The following KIAA1210 variants were observed in gnomAD, a reference collection of about 807,000 sequenced individuals.
KIAA1210 encodes KIAA1210, also known as acrosomal protein KIAA1210.
In KIAA1210, 48 loss-of-function variants were observed where a neutral mutation model predicts 78.9. The ratio of observed to expected loss-of-function variants is 0.61; its 90% CI spans 0.48 to 0.77. KIAA1210 has a LOEUF of 0.77. KIAA1210 is among the 30% of genes least tolerant of loss of function. The probability of loss-of-function intolerance (pLI) is 0.00; values close to 1 mark genes in which losing one functional copy is unlikely to be tolerated. For synonymous variants in KIAA1210, 406 were observed against 404.5 expected, an observed-to-expected ratio of 1.00 and a Z score of -0.04; for missense variants, 1,108 against 1,100.0, an observed-to-expected ratio of 1.01 and a Z score of -0.10.
chrX:119,116,658 T>G lies in KIAA1210; in HGVS notation c.68A>C (p.Lys23Thr). The G allele has an allele frequency of 7.5e-6, 9 of 1,199,654 alleles. No homozygotes were observed. Among genetic ancestry groups the G allele is most frequent in the Non-Finnish European group, 1.0e-5 (9 of 888,334 alleles). ...DVLEAGDEGK[K>T]KCKFKALKSF... is the part of the protein sequence containing the mutation. ...CTTAAGGGCTTTAAATTTGCATTTC[T>G]TCTTTCCTGGAAGTGAAAAATGAAA... The change falls in exon 3 of 12, where the codon AAG becomes ACG. Residue 23 changes from lysine (K) to threonine (T), a missense_variant. This residue lies in a region of KIAA1210 where 672 missense variants were observed against 607.1 expected (regional missense o/e 1.11). Transcript: ENST00000691062.
chrX:119,105,934 C>T (rs966972781), intron 5 of KIAA1210, among the ~76,000 whole-genome samples: 1 of 111,919 alleles, frequency 8.9e-6, no homozygotes, highest in Non-Finnish European at 1.9e-5. Context: ...CAATGCATTA[C>T]ACCCCATTCC....
intron 8 of KIAA1210, among the ~76,000 whole-genome samples, chrX:119,092,759 T>TTAAATAAATAAA (rs3049064): frequency 0.029 from 2,505 of 85,274 alleles, 51 homozygotes; most frequent in East Asian, 0.037. Flanking sequence ...AGACTCCGTC[T>TTAAATAAATAAA]TAAATAAATA....
upstream of KIAA1210, among the ~76,000 whole-genome samples, chrX:119,128,264 C>A (rs954758787): frequency 9.0e-6 from 1 of 111,438 alleles, no homozygotes; most frequent in African/African-American, 3.3e-5. Context: ...GTATATTTTA[C>A]ATTATTTTTG....
intron 1 of KIAA1210, among the ~76,000 whole-genome samples, chrX:119,147,963 T>C (rs1461076954): frequency 9.0e-6 from 1 of 111,468 alleles, no homozygotes; most frequent in Non-Finnish European, 1.9e-5. Flanking sequence ...AGCAAGACCC[T>C]GTCTCTATAA....
chrX:119,126,864 G>A (rs1043130773), intron 1 of KIAA1210, among the ~76,000 whole-genome samples: 11 of 111,829 alleles, frequency 9.8e-5, no homozygotes, highest in African/African-American at 2.9e-4. Flanking sequence ...TGAGCCCAGG[G>A]CTTTGAGACC....
intron 2 of KIAA1210, among the ~76,000 whole-genome samples, chrX:119,118,726 C>G (rs747357969): frequency 9.2e-4 from 103 of 112,567 alleles, no homozygotes; most frequent in African/African-American, 3.0e-3. Flanking sequence ...TTCTGAACAC[C>G]TAAAACTTGG....
At chrX:119,101,131 T>G (rs1385425087) in intron 6 of KIAA1210, among the ~76,000 whole-genome samples, 1 of 112,420 alleles carries the variant, frequency 8.9e-6, no homozygotes, top group African/African-American at 3.2e-5. Context: ...CATTTTCACT[T>G]CTTTTTTCCC....
chrX:119,148,910 A>G (rs1929227197), intron 1 of KIAA1210, among the ~76,000 whole-genome samples: 1 of 110,811 alleles, frequency 9.0e-6, no homozygotes, highest in South Asian at 3.9e-4. Flanking sequence ...ACTGTGAACC[A>G]ATCCTGTGTT....
At chrX:119,126,588 C>T (rs1376780617) in intron 1 of KIAA1210, among the ~76,000 whole-genome samples, 2 of 112,033 alleles carry the variant, frequency 1.8e-5, no homozygotes. Flanking sequence ...GAGACACATG[C>T]ACACACACAC....
rs189839571 is a variant in KIAA1210, at chrX:119,079,551, G to T, written c.*1778C>A. On this transcript the variant is annotated 3_prime_UTR_variant, in exon 12 of 12. Transcript: ENST00000691062. ...GCCAATTAAGGAACTGGCTCTGGGGGTAAAGGTGCCTACATCTTCATCCTC... is the reference window on the plus strand; with the variant it reads ...GCCAATTAAGGAACTGGCTCTGGGGTTAAAGGTGCCTACATCTTCATCCTC... 1.8e-4 allele frequency: 20 copies of T among 111,932 alleles called. No homozygotes were observed. The highest frequency in any genetic ancestry group is 6.5e-4 in the African/African-American group (20 of 30,821). 9.2% of individuals were successfully genotyped at this position (111,932 alleles called of 1,213,427 possible).
chrX:119,095,872 GC>G (rs1400483326), intron 7 of KIAA1210, among the ~76,000 whole-genome samples: 1 of 111,975 alleles, frequency 8.9e-6, no homozygotes, highest in Non-Finnish European at 1.9e-5. Flanking sequence ...AGGTTCTTGA[GC>G]CCCTATATTA....
At chrX:119,100,255 G>A (rs767175297) in intron 6 of KIAA1210, among the ~76,000 whole-genome samples, 20 of 106,052 alleles carry the variant, frequency 1.9e-4, no homozygotes, top group African/African-American at 5.6e-4. Flanking sequence ...GCTTGAACCC[G>A]GGAGGTGGAG....
At chrX:119,102,791 G>T (rs1176363978) in intron 6 of KIAA1210, among the ~76,000 whole-genome samples, 3 of 112,006 alleles carry the variant, frequency 2.7e-5, no homozygotes, top group Non-Finnish European at 5.6e-5. Flanking sequence ...TAAGCTTTAA[G>T]AATTTTACCC....
rs1225187699 is a variant in KIAA1210 at position 119,093,761 on chromosome X, C to T, written c.861G>A (p.Glu287=). ...KNLQVIVEPK[E]EEPNLPLVSE... is the part of the protein sequence containing the mutation. ...AAACCAATGGAAGGTTTGGCTCCTC[C>T]TCCTTTGGTTCCACCTGAAACAGGA... The change falls in exon 8 of 12, where the codon GAG becomes GAA. Residue 287 remains glutamate (E), a synonymous_variant. Transcript: ENST00000691062. The T allele has an allele frequency of 6.6e-6, 8 of 1,205,050 alleles. No homozygotes were observed. The highest frequency in any genetic ancestry group is 7.9e-6 in the Non-Finnish European group (7 of 890,643).
At position 119,079,827 on chromosome X, in the gene KIAA1210, G is replaced by A. The variant is rs1042623712; in HGVS notation, c.*1502C>T. 1 of 111,698 alleles carries A rather than the reference G, an allele frequency of 9.0e-6. No homozygotes were observed. Among genetic ancestry groups the A allele is most frequent in the African/African-American group, 3.3e-5 (1 of 30,701 alleles). 9.2% of individuals were successfully genotyped at this position (111,698 alleles called of 1,213,427 possible). A position where few individuals can be genotyped will look rare whatever the true frequency, so the allele number is the denominator to read the frequency against. ...AGGTGTGTGCCTCTAGGAATGAGAG[G>A]GGAAAAGCTGATTTACTCACTTAAA... On this transcript the variant is annotated 3_prime_UTR_variant, in exon 12 of 12. Transcript: ENST00000691062.
chrX:119,117,593 G>C (rs1340132369), intron 2 of KIAA1210, among the ~76,000 whole-genome samples: 4 of 94,967 alleles, frequency 4.2e-5, no homozygotes, highest in Non-Finnish European at 8.3e-5. Flanking sequence ...TTTTGAGACA[G>C]AGCCTCACTC....
chrX:119,150,571 G>C (rs754959854), exon 1 of KIAA1210: 2 of 1,204,690 alleles, frequency 1.7e-6, no homozygotes, highest in Non-Finnish European at 2.2e-6. Context: ...GCGTCCAGCC[G>C]GCCCTCATTT....
chrX:119,084,662 G>A (rs1166770344), intron 10 of KIAA1210, among the ~76,000 whole-genome samples: 3 of 109,910 alleles, frequency 2.7e-5, no homozygotes, highest in Non-Finnish European at 3.8e-5. Flanking sequence ...CTATGAACTG[G>A]GTTACAGTGC....
chrX:119,107,956 C>G (rs1927941618), intron 5 of KIAA1210, among the ~76,000 whole-genome samples: 1 of 111,978 alleles, frequency 8.9e-6, no homozygotes, highest in South Asian at 3.7e-4. Flanking sequence ...ATGCTACATA[C>G]ATGCTACATT....
Sources: allele counts gnomAD v4.1 joint callset (sites outside exome capture counted in the v4.1 genomes callset), GRCh38; gene constraint gnomAD v4.1.1; regional missense constraint gnomAD v4.1.1; transcripts MANE v1.5; gene names NCBI Gene and HGNC (gene_info 2026-07-23, HGNC 2026-07-21).